Variants in RGP1 observed in about 807,000 individuals in gnomAD.
RGP1 encodes RGP1 partner of RAB6A GEF complex, also known as RAB6A-GEF complex partner protein 2.
RGP1 carries 28 observed loss-of-function variants against 44.5 expected under a neutral mutation model. The ratio of observed to expected loss-of-function variants is 0.63; its 90% CI spans 0.47 to 0.86. The LOEUF is 0.86. Among genes scored for constraint, RGP1 ranks in the 40% least tolerant of loss-of-function variants. The pLI is 0.00. For synonymous variants in RGP1, 212 were observed against 196.7 expected (o/e 1.08, Z -0.65); for missense variants, 417 against 490.7 (o/e 0.85, Z 1.42).
downstream of RGP1, among the ~76,000 whole-genome samples, chr9:35,761,559 G>C (rs768877695): frequency 6.6e-6 from 1 of 151,848 alleles, no homozygotes; most frequent in Non-Finnish European, 1.5e-5. Flanking sequence ...CCGTAGTCTC[G>C]GCTACTTGGG....
At chr9:35,785,196 A>G in the RGP1 span, among the ~76,000 whole-genome samples, 3 of 152,182 alleles carry the variant, frequency 2.0e-5, no homozygotes, top group Non-Finnish European at 2.9e-5. Context: ...TCTCAGGCAG[A>G]ACAGTTTTGG....
chr9:35,750,624 G>A, intron 3 of RGP1, 34 bp from the exon 4 acceptor site: 1 of 1,602,546 alleles, frequency 6.2e-7, no homozygotes, highest in South Asian at 1.1e-5. Flanking sequence ...ACTGGACAAT[G>A]GGTCATTAAA....
chr9:35,760,530 A>T (rs1389854346), downstream of RGP1, among the ~76,000 whole-genome samples: 1 of 152,176 alleles, frequency 6.6e-6, no homozygotes, highest in African/African-American at 2.4e-5. Context: ...TTTGAAATTG[A>T]TTAAATGGTT....
Position 35,754,195 on chromosome 9 carries a change from G to C in RGP1, c.*1321G>C. ...TCAGCTACTCTGGTCTTGACTCCTT[G>C]ACTTTGCTTTGCGTTGCTCCTTGAG... is the stretch of plus-strand genomic sequence containing the variant. On this transcript the variant is annotated 3_prime_UTR_variant, in exon 9 of 9. Transcript: ENST00000378078. The C allele has an allele frequency of 1.9e-6, 3 of 1,554,048 alleles. No individual in the cohort carries two copies. The highest frequency in any genetic ancestry group is 2.6e-6 in the Non-Finnish European group (3 of 1,148,894).
the RGP1 span, among the ~76,000 whole-genome samples, chr9:35,785,231 G>A: frequency 2.1e-4 from 32 of 152,100 alleles, no homozygotes; most frequent in African/African-American, 6.8e-4. Context: ...GGAAGTTCAG[G>A]GTCTGGAGAT....
chr9:35,760,719 C>T (rs1827410472), downstream of RGP1, among the ~76,000 whole-genome samples: 1 of 151,308 alleles, frequency 6.6e-6, no homozygotes, highest in Admixed American at 6.5e-5. Flanking sequence ...ACTACCTTCC[C>T]ACCCCCAACC....
chr9:35,752,575 C>T, intron 8 of RGP1, 76 bp from the exon 9 acceptor site: 1 of 1,214,926 alleles, frequency 8.2e-7, no homozygotes, highest in Non-Finnish European at 1.2e-6. Context: ...TCTTCTCATT[C>T]ACTAACTATA....
At chr9:35,751,839 T>C in intron 7 of RGP1, 85 bp downstream of exon 7, 1 of 1,594,616 alleles carries the variant, frequency 6.3e-7, no homozygotes, top group Non-Finnish European at 8.6e-7. Flanking sequence ...AGGGGTGGCA[T>C]GTAGAAGGGG....
downstream of RGP1, among the ~76,000 whole-genome samples, chr9:35,759,317 C>T (rs1369053904): frequency 6.6e-6 from 1 of 152,082 alleles, no homozygotes. Context: ...GTAATCCCAA[C>T]ATTTGGGGAG....
chr9:35,780,755 G>T, the RGP1 span, among the ~76,000 whole-genome samples: 29 of 151,980 alleles, frequency 1.9e-4, no homozygotes, highest in Non-Finnish European at 3.1e-4. Context: ...AACCAGGCGT[G>T]GTGGTGTGCA....
Position 35,753,641 on chromosome 9 carries a change from G to C in RGP1, c.*767G>C. ...ACTCATATCAGAGTCATTCTCTCTG[G>C]CCATCTTTGGTCACTCACGTGTCAC... On this transcript the variant is annotated 3_prime_UTR_variant, in exon 9 of 9. Transcript: ENST00000378078. This position sits in a 1 kb window ranked among gnomAD's most constrained non-coding sequence, Gnocchi z 4.2. 6.3e-7 allele frequency: 1 copy of C among 1,587,248 alleles called. No individual in the cohort carries two copies. Among genetic ancestry groups the C allele is most frequent in the Middle Eastern group, 1.7e-4 (1 of 6,006 alleles).
In RGP1 at chr9:35,750,888, G is replaced by T; in HGVS notation, c.386G>T (p.Gly129Val). 1 of 1,613,962 alleles carries T rather than the reference G, an allele frequency of 6.2e-7. No homozygotes were observed. Among genetic ancestry groups the T allele is most frequent in the Non-Finnish European group, 8.5e-7 (1 of 1,179,838 alleles). Residue 129 changes from glycine (G) to valine (V), a missense_variant, in exon 5 of 9, where the codon GGT (glycine) becomes GTT (valine). By Grantham distance (109) the Gly-to-Val change is moderately radical (BLOSUM62 -3). Transcript: ENST00000378078. ...LPIEGPPSFR[G>V]QSVKYVYKLT... Reference sequence around the variant, plus strand: ...ATAGAGGGACCACCCTCCTTTCGGGGTCAGTCAGTCAAGTACGTCTACAAA... The same window carrying T: ...ATAGAGGGACCACCCTCCTTTCGGGTTCAGTCAGTCAAGTACGTCTACAAA...
At chr9:35,752,500 A>G in intron 8 of RGP1, 151 bp from the exon 9 acceptor site, 1 of 721,348 alleles carries the variant, frequency 1.4e-6, no homozygotes, top group South Asian at 1.8e-5. Flanking sequence ...ATTGCTTCAG[A>G]AAAACCCTTA....
In RGP1 at chr9:35,752,004, C is replaced by T. The variant is rs1185324540; in HGVS notation, c.811C>T (p.Arg271Trp). 18 of 1,601,996 alleles carry T rather than the reference C, an allele frequency of 1.1e-5. No homozygotes were observed. Among genetic ancestry groups the T allele is most frequent in the South Asian group, 2.2e-5 (2 of 88,996 alleles). ...GGAGCGTGTACAGCCTGAGTACCAG[C>T]GGCGACGTGGGGCAGGGGGTGTCCC... Reference protein sequence around the residue: ...TEERVQPEYQRRRGAGGVPSV... With the variant: ...TEERVQPEYQWRRGAGGVPSV... Residue 271 changes from arginine to tryptophan, a missense_variant, in exon 8 of 9, where the codon CGG (arginine) becomes TGG (tryptophan). Coordinates refer to ENST00000378078, the MANE Select transcript of RGP1 (RefSeq NM_001080496.3).
chr9:35,763,392 A>G (rs938629647), downstream of RGP1, among the ~76,000 whole-genome samples: 1 of 152,208 alleles, frequency 6.6e-6, no homozygotes, highest in Non-Finnish European at 1.5e-5. Flanking sequence ...GTCCCTCCCT[A>G]TTCCTAGACT....
At chr9:35,788,130 T>C in the RGP1 span, among the ~76,000 whole-genome samples, 1 of 152,344 alleles carries the variant, frequency 6.6e-6, no homozygotes, top group East Asian at 1.9e-4. Flanking sequence ...GTTGCAGAGC[T>C]CAACTAGGGT....
the RGP1 span, among the ~76,000 whole-genome samples, chr9:35,773,688 G>T: frequency 6.6e-6 from 1 of 152,028 alleles, no homozygotes; most frequent in Admixed American, 6.5e-5. Flanking sequence ...TTTTAGTAGA[G>T]ATGGGGTTTC....
At chr9:35,770,870 T>G in the RGP1 span, among the ~76,000 whole-genome samples, 1 of 152,282 alleles carries the variant, frequency 6.6e-6, no homozygotes, top group African/African-American at 2.4e-5. Flanking sequence ...CTGTCAAATC[T>G]GAAGAAAACC....
chr9:35,750,358 ACTGT>A lies in RGP1; in HGVS notation c.235_238del (p.Val79PhefsTer24). On this transcript the variant is annotated frameshift_variant, in exon 3 of 9. Transcript: ENST00000378078. LOFTEE classifies it high-confidence loss of function. ...GCCAGATGTCCAGCCCGACAGCCAG[ACTGT>A]CTTTCTGCCACACCGAGGTTAGAGA... 6.2e-7 allele frequency: 1 copy of A among 1,613,904 alleles called. No individual in the cohort carries two copies. The highest frequency in any genetic ancestry group is 8.5e-7 in the Non-Finnish European group (1 of 1,179,860).
Sources: allele counts gnomAD v4.1 joint callset (sites outside exome capture counted in the v4.1 genomes callset), GRCh38; gene constraint gnomAD v4.1.1; non-coding constraint Gnocchi (gnomAD v3.1); transcripts MANE v1.5; gene names NCBI Gene and HGNC (gene_info 2026-07-23, HGNC 2026-07-21).